TMEM132D: variants seen among roughly 807,000 people sequenced by gnomAD.
The protein encoded by TMEM132D is mature OL transmembrane protein.
Under a neutral mutation model 62.3 loss-of-function variants are expected in TMEM132D, and 21 were observed. The ratio of observed to expected loss-of-function variants is 0.34; its 90% CI spans 0.24 to 0.49. The LOEUF (loss-of-function observed/expected upper bound fraction) is 0.49, where lower values mean the gene tolerates loss of function less well. Among genes scored for constraint, TMEM132D ranks in the 20% least tolerant of loss-of-function variants. The probability of loss-of-function intolerance (pLI) is 0.99; values close to 1 mark genes in which losing one functional copy is unlikely to be tolerated. For synonymous variants in TMEM132D, 621 were observed against 575.6 expected (o/e 1.08, Z -1.13); for missense variants, 1,346 against 1,402.8 (o/e 0.96, Z 0.65).
chr12:129,892,478 G>C (rs376127622), intron 1 of TMEM132D, among the ~76,000 whole-genome samples: 2 of 152,092 alleles, frequency 1.3e-5, no homozygotes, highest in African/African-American at 4.8e-5. Context: ...CAGATGGGCC[G>C]AAGGATATTT....
At chr12:129,226,693 C>G (rs1879488259) in intron 4 of TMEM132D, among the ~76,000 whole-genome samples, 1 of 152,230 alleles carries the variant, frequency 6.6e-6, no homozygotes, top group Non-Finnish European at 1.5e-5. Flanking sequence ...GATCTCCTAA[C>G]TTTTACATTT....
At position 129,429,402 on chromosome 12, in the gene TMEM132D, T is replaced by C. The variant is rs12426162; in HGVS notation, c.1116-91585A>G. On this transcript the variant is annotated intron_variant, in intron 3 of 8. Coordinates refer to ENST00000422113, the MANE Select transcript of TMEM132D (RefSeq NM_133448.3). ...TTGTTTGTTTGTTTGTCATTGGTGT[T>C]GAAGAAACAGGCTATGGGATTTAGG... Among the ~76,000 whole-genome samples the C allele has an allele frequency of 3.5e-3, 528 of 151,962 alleles. 8 individuals carry two copies. The highest frequency in any genetic ancestry group is 0.031 in the Admixed American group (467 of 15,276).
intron 5 of TMEM132D, among the ~76,000 whole-genome samples, chr12:129,144,870 C>T (rs982594086): frequency 2.0e-5 from 3 of 151,326 alleles, no homozygotes; most frequent in Admixed American, 6.6e-5. Flanking sequence ...CATCTATCAT[C>T]TATCTACCAT....
At chr12:129,158,571 A>G (rs561040165) in intron 5 of TMEM132D, among the ~76,000 whole-genome samples, 3 of 152,308 alleles carry the variant, frequency 2.0e-5, no homozygotes, top group African/African-American at 7.2e-5. Context: ...CAAACGTACA[A>G]AATCCCTCAG....
At chr12:129,519,147 T>C (rs1241774897) in intron 3 of TMEM132D, among the ~76,000 whole-genome samples, 1 of 152,160 alleles carries the variant, frequency 6.6e-6, no homozygotes, top group East Asian at 1.9e-4. Flanking sequence ...TAGTCTGGTG[T>C]GGATGGAGTT....
intron 2 of TMEM132D, among the ~76,000 whole-genome samples, chr12:129,657,082 A>G (rs1423136181): frequency 1.3e-5 from 2 of 152,248 alleles, no homozygotes; most frequent in Non-Finnish European, 2.9e-5. Flanking sequence ...GCCAGTTTGT[A>G]ATCCCCAGCT....
intron 7 of TMEM132D, among the ~76,000 whole-genome samples, chr12:129,080,504 G>A (rs942939482): frequency 1.3e-5 from 2 of 152,202 alleles, no homozygotes; most frequent in African/African-American, 2.4e-5. Flanking sequence ...AAAATGAAGT[G>A]TTAGATATAC....
At chr12:129,312,383 G>A (rs535571947) in intron 4 of TMEM132D, among the ~76,000 whole-genome samples, 22 of 152,248 alleles carry the variant, frequency 1.4e-4, no homozygotes, top group African/African-American at 4.3e-4. Context: ...TGGAAAGCAT[G>A]TTATATCTGG....
At chr12:129,463,848 C>T (rs1873777088) in intron 3 of TMEM132D, among the ~76,000 whole-genome samples, 1 of 151,610 alleles carries the variant, frequency 6.6e-6, no homozygotes, top group African/African-American at 2.4e-5. Flanking sequence ...TGTATATGTG[C>T]CACATTTTCT....
At chr12:129,460,175 C>A (rs1335167708) in intron 3 of TMEM132D, among the ~76,000 whole-genome samples, 1 of 152,188 alleles carries the variant, frequency 6.6e-6, no homozygotes, top group African/African-American at 2.4e-5. Flanking sequence ...GCTCCTGTCC[C>A]AGTGACCCCA....
At position 129,574,584 on chromosome 12, in the gene TMEM132D, A is replaced by G. The variant is rs973877046; in HGVS notation, c.969-43379T>C. 3.3e-5 allele frequency among the ~76,000 whole-genome samples: 5 copies of G among 151,922 alleles called. No individual in the cohort carries two copies. The East Asian group carries it at 9.6e-4, about 29-fold the overall frequency. ...TTTATTGAGTTGTTGAACAATGGTT[A>G]GGAGCACAGGGGTGAGATGTTATGA... On this transcript the variant is annotated intron_variant, in intron 2 of 8. Coordinates refer to ENST00000422113, the MANE Select transcript of TMEM132D (RefSeq NM_133448.3).
At chr12:129,326,216 C>T (rs1423184331) in intron 4 of TMEM132D, among the ~76,000 whole-genome samples, 1 of 152,172 alleles carries the variant, frequency 6.6e-6, no homozygotes, top group Non-Finnish European at 1.5e-5. Context: ...ACACTTTTCT[C>T]ACGATAACAC....
intron 2 of TMEM132D, among the ~76,000 whole-genome samples, chr12:129,545,143 T>C (rs1876696897): frequency 6.6e-6 from 1 of 152,210 alleles, no homozygotes; most frequent in African/African-American, 2.4e-5. Flanking sequence ...AAGAAAATTA[T>C]TACTCCCTCC....
At chr12:129,519,986 C>G (rs2137080314) in intron 3 of TMEM132D, among the ~76,000 whole-genome samples, 1 of 152,218 alleles carries the variant, frequency 6.6e-6, no homozygotes, top group African/African-American at 2.4e-5. Flanking sequence ...CATTTTGCAA[C>G]TTATAAAGGG....
At chr12:129,272,077 C>A (rs913318058) in intron 4 of TMEM132D, among the ~76,000 whole-genome samples, 2 of 151,830 alleles carry the variant, frequency 1.3e-5, no homozygotes, top group Admixed American at 6.6e-5. Flanking sequence ...TTTTCTACAG[C>A]AAAGTCGGGG....
At chr12:129,495,772 T>C (rs1169589251) in intron 3 of TMEM132D, among the ~76,000 whole-genome samples, 2 of 152,060 alleles carry the variant, frequency 1.3e-5, no homozygotes, top group Non-Finnish European at 2.9e-5. Flanking sequence ...CTGACAGTGT[T>C]TCGTGGGGAT....
chr12:129,640,043 C>G (rs11060479), intron 2 of TMEM132D, among the ~76,000 whole-genome samples: 1 of 97,976 alleles, frequency 1.0e-5, no homozygotes, highest in South Asian at 4.4e-4. Context: ...AAAAACCACA[C>G]GTGTGCACAC....
chr12:129,312,942 C>T (rs547619182), intron 4 of TMEM132D, among the ~76,000 whole-genome samples: 1 of 152,188 alleles, frequency 6.6e-6, no homozygotes, highest in East Asian at 1.9e-4. Flanking sequence ...TAGGATCAAC[C>T]GAGACTGAAT....
At chr12:129,551,062 C>A (rs1020718112) in intron 2 of TMEM132D, among the ~76,000 whole-genome samples, 1 of 152,194 alleles carries the variant, frequency 6.6e-6, no homozygotes, top group South Asian at 2.1e-4. Flanking sequence ...GAAACCCCAA[C>A]GGGGGTCCCA....
Sources: gnomAD v4.1 joint callset for allele counts (sites outside exome capture counted in the v4.1 genomes callset) on GRCh38, gnomAD v4.1.1 for gene constraint, MANE v1.5 for transcripts, NCBI Gene and HGNC (gene_info 2026-07-23, HGNC 2026-07-21) for gene names.